Variants in TENM1 observed in about 807,000 individuals in gnomAD.
TENM1 encodes teneurin-1.
In TENM1, 35 loss-of-function variants were observed where a neutral mutation model predicts 174.8. The ratio of observed to expected loss-of-function variants is 0.20; its 90% confidence interval spans 0.15 to 0.27. TENM1 has a LOEUF of 0.27. Among genes scored for constraint, TENM1 ranks in the 10% least tolerant of loss-of-function variants. The pLI, the probability that TENM1 is intolerant of heterozygous loss-of-function variation, is 1.00. For synonymous variants in TENM1, 781 were observed against 798.7 expected (o/e 0.98, Z 0.37); for missense variants, 1,633 against 2,130.1 (o/e 0.77, Z 4.59).
At chrX:125,149,099 T>C in the TENM1 span, among the ~76,000 whole-genome samples, 1 of 44 alleles carries the variant, frequency 0.023, no homozygotes, top group African/African-American at 0.071. Context: ...ATCATATACT[T>C]TAAGTGTCCC....
At chrX:124,693,804 T>C (rs1027691473) in intron 5 of TENM1, among the ~76,000 whole-genome samples, 1 of 111,147 alleles carries the variant, frequency 9.0e-6, no homozygotes. Context: ...TTCTAGTTCC[T>C]TCTTATAGAG....
At chrX:125,186,477 C>G in the TENM1 span, among the ~76,000 whole-genome samples, 13 of 110,161 alleles carry the variant, frequency 1.2e-4, no homozygotes, top group Non-Finnish European at 2.1e-4. Flanking sequence ...GGGCCTGGTA[C>G]GAGGTGTTTA....
intron 1 of TENM1, among the ~76,000 whole-genome samples, chrX:124,911,681 A>G (rs2057839078): frequency 2.7e-5 from 3 of 112,025 alleles, no homozygotes; most frequent in African/African-American, 6.5e-5. Context: ...CATCTGTACT[A>G]TAAGTGTAGG....
At chrX:124,758,944 G>T (rs1420019649) in intron 3 of TENM1, among the ~76,000 whole-genome samples, 1 of 111,566 alleles carries the variant, frequency 9.0e-6, no homozygotes, top group African/African-American at 3.3e-5. Context: ...AAAGGTTCCA[G>T]ATATTTGCTA....
chrX:124,947,899 T>A (rs2058426177), intron 1 of TENM1, among the ~76,000 whole-genome samples: 1 of 112,208 alleles, frequency 8.9e-6, no homozygotes, highest in Admixed American at 9.5e-5. Context: ...GATTAGAAAC[T>A]CTTTCATTCT....
At chrX:124,487,362 G>C in intron 20 of TENM1, 133 bp from the exon 24 acceptor site, 2 of 549,844 alleles carry the variant, frequency 3.6e-6, no homozygotes, top group Non-Finnish European at 5.8e-6. Flanking sequence ...GACTCTATGG[G>C]GATCATTTAG....
chrX:124,951,938 C>T (rs2058495315), intron 1 of TENM1, among the ~76,000 whole-genome samples: 1 of 109,893 alleles, frequency 9.1e-6, no homozygotes, highest in African/African-American at 3.3e-5. Flanking sequence ...TGGCCAGATG[C>T]TTTGGTACTG....
chrX:125,070,894 T>A, the TENM1 span, among the ~76,000 whole-genome samples: 1 of 111,843 alleles, frequency 8.9e-6, no homozygotes, highest in Non-Finnish European at 1.9e-5. Context: ...CATGAACAGA[T>A]GTATAAGAGA....
intron 6 of TENM1, among the ~76,000 whole-genome samples, chrX:124,664,679 GGTGTGTGTGTGTGTGT>G (rs576286188): frequency 8.0e-5 from 7 of 86,970 alleles, no homozygotes; most frequent in Admixed American, 5.1e-4. Flanking sequence ...GTACTTGTGG[GGTGTGTGTGTGTGTGT>G]GTGTGTGTGT....
chrX:124,403,376 C>T (rs914825221), intron 27 of TENM1, among the ~76,000 whole-genome samples: 9 of 108,959 alleles, frequency 8.3e-5, no homozygotes, highest in South Asian at 4.1e-4. Flanking sequence ...AAAAAGTAGC[C>T]GGGTGTGGTG....
the TENM1 span, among the ~76,000 whole-genome samples, chrX:125,179,810 T>C: frequency 9.2e-6 from 1 of 109,206 alleles, no homozygotes; most frequent in Non-Finnish European, 1.9e-5. Context: ...TTCCAAGTAA[T>C]TCTGATGCAT....
intron 24 of TENM1, among the ~76,000 whole-genome samples, 155 bp from the exon 28 acceptor site, chrX:124,420,976 A>G (rs998694424): frequency 3.6e-5 from 4 of 112,482 alleles, no homozygotes; most frequent in South Asian, 3.7e-4. Flanking sequence ...TATGAAGCCT[A>G]TTATTCAAAA....
At chrX:124,422,789 G>T in intron 23 of TENM1, 151 bp from the exon 27 acceptor site, 1 of 483,259 alleles carries the variant, frequency 2.1e-6, no homozygotes, top group Non-Finnish European at 3.5e-6. Flanking sequence ...TGGAGGGCAG[G>T]GGGAGGATGG....
Position 124,672,088 on chromosome X carries a change from T to C in TENM1, c.1016-253A>G, listed in dbSNP as rs148895217. On this transcript the variant is annotated intron_variant, in intron 5 of 31. Coordinates refer to ENST00000422452, the Ensembl canonical transcript of TENM1. ...GCTATCCCAATGATAGGATTAGAAA[T>C]TGGAATCAACTATAGTACAATTAGA... is the stretch of plus-strand genomic sequence containing the variant. 0.019 allele frequency among the ~76,000 whole-genome samples: 2,122 copies of C among 111,590 alleles called. 21 individuals carry two copies. The highest frequency in any genetic ancestry group is 0.032 in the African/African-American group (988 of 30,705).
chrX:124,671,553 T>C (rs2051921447), intron 6 of TENM1, 130 bp downstream of exon 9: 1 of 645,887 alleles, frequency 1.5e-6, no homozygotes, highest in Non-Finnish European at 2.3e-6. Context: ...CATGCATTTA[T>C]TCTGTCCACG....
chrX:124,514,463 TA>T (rs907641272), intron 18 of TENM1, among the ~76,000 whole-genome samples: 5 of 109,709 alleles, frequency 4.6e-5, no homozygotes, highest in African/African-American at 1.7e-4. Flanking sequence ...GCTAGACTAA[TA>T]AAGAAAAAAA....
chrX:124,919,042 A>T (rs2057977115), intron 1 of TENM1, among the ~76,000 whole-genome samples: 2 of 112,183 alleles, frequency 1.8e-5, no homozygotes, highest in Non-Finnish European at 1.9e-5. Context: ...ACCTCTTGAA[A>T]GTTGTAACAG....
the TENM1 span, among the ~76,000 whole-genome samples, chrX:125,030,608 A>G: frequency 8.9e-6 from 1 of 112,222 alleles, no homozygotes; most frequent in Non-Finnish European, 1.9e-5. Context: ...CTTTACCTAA[A>G]TAGTCTAACA....
chrX:124,544,410 G>A (rs2048386426), intron 15 of TENM1, among the ~76,000 whole-genome samples: 1 of 112,123 alleles, frequency 8.9e-6, no homozygotes, highest in Admixed American at 9.5e-5. Context: ...CTGACAAATG[G>A]AGATAGTAAT....
Sources: gnomAD v4.1 joint callset for allele counts (sites outside exome capture counted in the v4.1 genomes callset) on GRCh38, gnomAD v4.1.1 for gene constraint, MANE v1.5 for transcripts, NCBI Gene and HGNC (gene_info 2026-07-23, HGNC 2026-07-21) for gene names.